Variants in NCOA2 observed in about 807,000 individuals in gnomAD.
NCOA2 encodes the protein nuclear receptor coactivator 2, also known as class E basic helix-loop-helix protein 75.
In NCOA2, 21 loss-of-function variants were observed where a neutral mutation model predicts 145.1. That is an observed-to-expected ratio of 0.14 (90% CI 0.10 to 0.21). The LOEUF (loss-of-function observed/expected upper bound fraction) is 0.21, where lower values mean the gene tolerates loss of function less well. Among genes scored for constraint, NCOA2 ranks in the 10% least tolerant of loss-of-function variants. The pLI, the probability that NCOA2 is intolerant of heterozygous loss-of-function variation, is 1.00. For missense variants in NCOA2, 1,472 were observed against 1,837.6 expected, an observed-to-expected ratio of 0.80 and a Z score of 3.64; for synonymous variants, 619 against 637.5, an observed-to-expected ratio of 0.97 and a Z score of 0.44.
chr8:70,126,403 A>G (rs1009104734), intron 19 of NCOA2, among the ~76,000 whole-genome samples: 1 of 152,256 alleles, frequency 6.6e-6, no homozygotes, highest in Non-Finnish European at 1.5e-5. Context: ...TTAAATTTAT[A>G]GAGGTCTTTT....
At chr8:70,202,511 A>C (rs565677505) in intron 4 of NCOA2, among the ~76,000 whole-genome samples, 16 of 152,308 alleles carry the variant, frequency 1.1e-4, no homozygotes, top group Admixed American at 3.3e-4. Flanking sequence ...ATTCAGGCTT[A>C]AAAAAAGAAG....
At position 70,379,111 on chromosome 8, in the gene NCOA2, A is replaced by G. The variant is rs59502081; in HGVS notation, c.-77+24589T>C. On this transcript the variant is annotated intron_variant, in intron 1 of 22. Coordinates refer to ENST00000452400, the MANE Select transcript of NCOA2 (RefSeq NM_006540.4). ...AGATAAATCTCTTAATGTTTTAAGT[A>G]GCATTTTACAAAATAAATATTATAT... is the stretch of plus-strand genomic sequence containing the variant. Among the ~76,000 whole-genome samples, 569 of 152,346 alleles carry G rather than the reference A, an allele frequency of 3.7e-3. 8 individuals are homozygous for G. Among genetic ancestry groups the G allele is most frequent in the African/African-American group, 0.013 (553 of 41,562 alleles).
At chr8:70,376,369 G>GCGCA (rs1554639529) in intron 1 of NCOA2, among the ~76,000 whole-genome samples, 20 of 147,318 alleles carry the variant, frequency 1.4e-4, no homozygotes, top group African/African-American at 4.9e-4. Context: ...ACACACACAC[G>GCGCA]CACACACACA....
At chr8:70,311,062 T>C (rs1805074653) in intron 1 of NCOA2, among the ~76,000 whole-genome samples, 1 of 152,130 alleles carries the variant, frequency 6.6e-6, no homozygotes, top group Non-Finnish European at 1.5e-5. Flanking sequence ...CCTAGCACAA[T>C]GTCTCGGTAG....
intron 1 of NCOA2, among the ~76,000 whole-genome samples, chr8:70,381,593 T>C (rs750062048): frequency 1.6e-4 from 25 of 152,248 alleles, no homozygotes; most frequent in Non-Finnish European, 3.7e-4. Flanking sequence ...GGGATTGTTG[T>C]AGTGACACCA....
intron 2 of NCOA2, among the ~76,000 whole-genome samples, chr8:70,240,447 T>C (rs1822026809): frequency 6.6e-6 from 1 of 152,156 alleles, no homozygotes; most frequent in Non-Finnish European, 1.5e-5. Context: ...CAGGAGATGC[T>C]CTGTCTTGTT....
chr8:70,237,343 C>T (rs909690304), intron 2 of NCOA2, among the ~76,000 whole-genome samples: 1 of 152,116 alleles, frequency 6.6e-6, no homozygotes, highest in African/African-American at 2.4e-5. Flanking sequence ...AGGACACTGC[C>T]TCATTATTTG....
intron 22 of NCOA2, 139 bp from the exon 23 acceptor site, chr8:70,113,782 T>C (rs760743819): frequency 3.7e-6 from 3 of 817,456 alleles, no homozygotes; most frequent in Non-Finnish European, 4.0e-6. Context: ...GATGAGTACA[T>C]TCGATGTGGA....
intron 4 of NCOA2, among the ~76,000 whole-genome samples, chr8:70,195,770 A>C (rs1817241464): frequency 6.6e-6 from 1 of 152,146 alleles, no homozygotes; most frequent in Admixed American, 6.5e-5. Flanking sequence ...GTTCCATTGC[A>C]TCCTGCTACA....
intron 1 of NCOA2, among the ~76,000 whole-genome samples, chr8:70,375,342 A>G (rs982285945): frequency 6.6e-6 from 1 of 152,218 alleles, no homozygotes; most frequent in African/African-American, 2.4e-5. Context: ...ACTGTCTGTC[A>G]CTTGAATTCT....
chr8:70,301,803 A>C (rs1041887682), intron 1 of NCOA2, among the ~76,000 whole-genome samples: 3 of 151,994 alleles, frequency 2.0e-5, no homozygotes, highest in Non-Finnish European at 4.4e-5. Flanking sequence ...CAACTATCAC[A>C]CTTCATGTTT....
At chr8:70,191,251 A>G (rs997748501) in intron 4 of NCOA2, among the ~76,000 whole-genome samples, 1 of 152,256 alleles carries the variant, frequency 6.6e-6, no homozygotes, top group African/African-American at 2.4e-5. Flanking sequence ...TACAATTCTG[A>G]GTGACTACTA....
At chr8:70,132,712 C>A (rs943321569) in intron 15 of NCOA2, among the ~76,000 whole-genome samples, 7 of 152,124 alleles carry the variant, frequency 4.6e-5, no homozygotes, top group African/African-American at 1.7e-4. Context: ...TATAGGCACG[C>A]GCCACCACGC....
At chr8:70,368,961 AAG>A (rs1485956756) in intron 1 of NCOA2, among the ~76,000 whole-genome samples, 1 of 152,238 alleles carries the variant, frequency 6.6e-6, no homozygotes, top group Non-Finnish European at 1.5e-5. Context: ...CTAAAATATT[AAG>A]AGTTATTAAA....
At chr8:70,133,947 C>A (rs1176920728) in intron 15 of NCOA2, among the ~76,000 whole-genome samples, 1 of 152,200 alleles carries the variant, frequency 6.6e-6, no homozygotes, top group African/African-American at 2.4e-5. Flanking sequence ...CTTGAGGCCA[C>A]GCGTCACCTG....
chr8:70,153,084 C>T (rs1005512208), intron 11 of NCOA2, among the ~76,000 whole-genome samples: 2 of 152,162 alleles, frequency 1.3e-5, no homozygotes, highest in African/African-American at 2.4e-5. Flanking sequence ...AGGTAATGCA[C>T]ACTTCCTGTG....
intron 2 of NCOA2, among the ~76,000 whole-genome samples, chr8:70,269,223 A>G (rs754375090): frequency 6.6e-6 from 1 of 152,206 alleles, no homozygotes; most frequent in Non-Finnish European, 1.5e-5. Flanking sequence ...AATTTTTAAT[A>G]GCAGCATAAT....
chr8:70,187,023 A>G (rs1293086861), intron 4 of NCOA2, among the ~76,000 whole-genome samples: 2 of 152,230 alleles, frequency 1.3e-5, no homozygotes, highest in Admixed American at 1.3e-4. Flanking sequence ...TTAAGCAGGC[A>G]TGGCAGTGAA....
At chr8:70,165,871 G>A (rs184068925) in intron 7 of NCOA2, among the ~76,000 whole-genome samples, 2 of 152,158 alleles carry the variant, frequency 1.3e-5, no homozygotes, top group African/African-American at 4.8e-5. Context: ...CCAGGCTGGA[G>A]TGCAATGGCG....
Sources: allele counts gnomAD v4.1 joint callset (sites outside exome capture counted in the v4.1 genomes callset), GRCh38; gene constraint gnomAD v4.1.1; transcripts MANE v1.5; gene names NCBI Gene and HGNC (gene_info 2026-07-23, HGNC 2026-07-21).